Variants in SLC22A25 observed in about 807,000 individuals in gnomAD.
SLC22A25 encodes the protein MGI:2442751, MGI:2385316, MGI:3042283, MGI:3645714, MGI:3605624, MGI:2442750.
In SLC22A25, 44 loss-of-function variants were observed where a neutral mutation model predicts 45.9. The observed-to-expected ratio is 0.96, with a 90% CI of 0.75 to 1.23. SLC22A25 has a LOEUF of 1.23. Ranked by LOEUF, SLC22A25 falls within the 50% of genes most tolerant of loss-of-function variation. SLC22A25 has a pLI of 0.00. For synonymous variants in SLC22A25, 283 were observed against 238.6 expected (o/e 1.19, Z -1.72); for missense variants, 800 against 666.4 (o/e 1.20, Z -2.21).
intron 7 of SLC22A25, among the ~76,000 whole-genome samples, chr11:63,196,564 G>T (rs1175006835): frequency 1.3e-5 from 2 of 152,132 alleles, no homozygotes; most frequent in Non-Finnish European, 2.9e-5. Flanking sequence ...AGCCCTTCAT[G>T]CTGAAAACTC....
chr11:63,191,734 G>T (rs1423649079), intron 7 of SLC22A25, among the ~76,000 whole-genome samples: 1 of 152,050 alleles, frequency 6.6e-6, no homozygotes, highest in Non-Finnish European at 1.5e-5. Flanking sequence ...CTAAGAAGAA[G>T]AAATAATCTC....
intron 3 of SLC22A25, among the ~76,000 whole-genome samples, chr11:63,237,054 A>G (rs534320144): frequency 6.6e-6 from 1 of 152,318 alleles, no homozygotes. Flanking sequence ...TTGAAATTTA[A>G]TTGCTATTGT....
chr11:63,230,841 C>T (rs1397874679), intron 3 of SLC22A25, among the ~76,000 whole-genome samples: 5 of 152,146 alleles, frequency 3.3e-5, no homozygotes, highest in African/African-American at 1.2e-4. Flanking sequence ...TGATGTTCCC[C>T]TTCCTGTGTC....
At chr11:63,186,023 T>C (rs2088527499) in intron 7 of SLC22A25, among the ~76,000 whole-genome samples, 1 of 152,054 alleles carries the variant, frequency 6.6e-6, no homozygotes, top group African/African-American at 2.4e-5. Flanking sequence ...TGTGTCTTTA[T>C]AGTAGCATGA....
At chr11:63,240,556 CT>C (rs1565133202) in intron 1 of SLC22A25, among the ~76,000 whole-genome samples, 1 of 152,106 alleles carries the variant, frequency 6.6e-6, no homozygotes, top group Non-Finnish European at 1.5e-5. Context: ...AAACTTTTGA[CT>C]CTTTTGTAAT....
chr11:63,228,735 G>A (rs1326249644), intron 4 of SLC22A25, among the ~76,000 whole-genome samples, 171 bp from the exon 5 acceptor site: 2 of 152,108 alleles, frequency 1.3e-5, no homozygotes, highest in Non-Finnish European at 2.9e-5. Context: ...CTTTCTCTTG[G>A]AAGCTATTCC....
chr11:63,212,801 A>AT (rs199547273), intron 7 of SLC22A25, among the ~76,000 whole-genome samples: 126 of 127,270 alleles, frequency 9.9e-4, no homozygotes, highest in Non-Finnish European at 1.8e-3. Context: ...TTAAAGTATA[A>AT]TTTAAAAAAA....
intron 7 of SLC22A25, among the ~76,000 whole-genome samples, chr11:63,191,537 C>T (rs1030960260): frequency 6.6e-6 from 1 of 152,116 alleles, no homozygotes; most frequent in African/African-American, 2.4e-5. Context: ...ATGCTCAGTG[C>T]ACTGCACCCA....
At chr11:63,181,424 A>G (rs138340819) in intron 8 of SLC22A25, among the ~76,000 whole-genome samples, 3,121 of 118,546 alleles carry the variant, frequency 0.026, 118 homozygotes, top group African/African-American at 0.093. Flanking sequence ...CTGGTGTGTG[A>G]TGTTCCCCTT....
At chr11:63,231,848 T>C (rs539980537) in intron 3 of SLC22A25, among the ~76,000 whole-genome samples, 72 of 152,328 alleles carry the variant, frequency 4.7e-4, no homozygotes, top group Admixed American at 1.6e-3. Flanking sequence ...GCTTTCTACA[T>C]ATGGCTAGCC....
In SLC22A25 at chr11:63,229,542, C is replaced by T. The variant is rs771774500; in HGVS notation, c.111G>A (p.Leu37=). 1 of 1,614,056 alleles carries T rather than the reference C, an allele frequency of 6.2e-7. No homozygotes were observed. The highest frequency in any genetic ancestry group is 8.5e-7 in the Non-Finnish European group (1 of 1,179,980). ...CAAGTATGAATGCTGCGAAGTTCTC[C>T]AGCTGAGTTTGATGGTATACTATGA... is the stretch of plus-strand genomic sequence containing the variant. The part of the protein sequence containing the change: ...FNVIVYHQTQ[L]ENFAAFILDH... The change falls in exon 4 of 12, where the codon CTG becomes CTA. Residue 37 remains leucine (L), a synonymous_variant. Transcript: ENST00000306494.
At chr11:63,242,467 G>A (rs1480923430) in intron 1 of SLC22A25, among the ~76,000 whole-genome samples, 1 of 152,190 alleles carries the variant, frequency 6.6e-6, no homozygotes, top group Non-Finnish European at 1.5e-5. Context: ...GTCATATTTA[G>A]TAGACTTGTT....
At chr11:63,227,560 C>T (rs1476470583) in intron 5 of SLC22A25, among the ~76,000 whole-genome samples, 1 of 152,142 alleles carries the variant, frequency 6.6e-6, no homozygotes, top group Non-Finnish European at 1.5e-5. Context: ...CTCCTCTCCT[C>T]AAATGGAATG....
At chr11:63,216,107 G>A (rs758566368) in intron 7 of SLC22A25, among the ~76,000 whole-genome samples, 9 of 152,024 alleles carry the variant, frequency 5.9e-5, no homozygotes, top group Admixed American at 3.3e-4. Context: ...ACATATGACC[G>A]ACTATTATGA....
chr11:63,217,748 G>A lies in SLC22A25; in HGVS notation c.507-13C>T, dbSNP rs201877220. ...CTTTCTCCCAAACCTGAGAAACAGG[G>A]GCACATTAGATAATGGGAACAATAA... On this transcript the variant is annotated splice_polypyrimidine_tract_variant and intron_variant, in intron 5 of 11. Transcript: ENST00000306494. The A allele has an allele frequency of 2.4e-4, 381 of 1,595,196 alleles. No individual in the cohort carries two copies. Among genetic ancestry groups the A allele is most frequent in the Non-Finnish European group, 3.0e-4 (354 of 1,174,076 alleles).
rs2087546899 is a variant in SLC22A25 at position 63,162,274 on chromosome 11, G to A, written c.*1550C>T. ...GTGCAGAAGTTTTTTAACTTGCTGT[G>A]ATCCCATTTGTCCACATTTGCTTTG... On this transcript the variant is annotated 3_prime_UTR_variant, in exon 12 of 12. Coordinates refer to ENST00000306494, the MANE Select transcript of SLC22A25 (RefSeq NM_199352.6). Among the ~76,000 whole-genome samples the A allele has an allele frequency of 6.6e-6, 1 of 152,108 alleles. No homozygotes were observed. Among genetic ancestry groups the A allele is most frequent in the African/African-American group, 2.4e-5 (1 of 41,426 alleles).
chr11:63,164,530 T>A lies in SLC22A25; in HGVS notation c.1390A>T (p.Ile464Phe), dbSNP rs1375128797. Residue 464 changes from isoleucine to phenylalanine, a missense_variant, in exon 11 of 12, where the codon ATC (isoleucine) becomes TTC (phenylalanine). Coordinates refer to ENST00000306494, the MANE Select transcript of SLC22A25 (RefSeq NM_199352.6). ...AQENELIPSI[I>F]RGRATGITGN... ...AGCACACATAAACTTTTGTACCTGA[T>A]TATGGAAGGAATTAGTTCATTTTCT... The A allele has an allele frequency of 6.2e-7, 1 of 1,613,126 alleles. No homozygotes were observed. Among genetic ancestry groups the A allele is most frequent in the Admixed American group, 1.7e-5 (1 of 59,964 alleles).
chr11:63,226,435 AATT>A (rs547129797), intron 5 of SLC22A25, among the ~76,000 whole-genome samples: 1 of 152,152 alleles, frequency 6.6e-6, no homozygotes, highest in Non-Finnish European at 1.5e-5. Context: ...GATCTGGAAA[AATT>A]ATTTGGACCA....
rs1037441771 is a variant in SLC22A25, at chr11:63,159,831, G to A, written c.*3993C>T. On this transcript the variant is annotated 3_prime_UTR_variant, in exon 12 of 12. Coordinates refer to ENST00000306494, the MANE Select transcript of SLC22A25 (RefSeq NM_199352.6). ...TGGAAAATGAAATCCAGGCTGAGGTGGTCTCAGATGAAGATGAAGAACTTG... is the reference window on the plus strand; with the variant it reads ...TGGAAAATGAAATCCAGGCTGAGGTAGTCTCAGATGAAGATGAAGAACTTG... Among the ~76,000 whole-genome samples the A allele has an allele frequency of 4.6e-5, 7 of 152,170 alleles. No homozygotes were observed. Among genetic ancestry groups the A allele is most frequent in the Admixed American group, 4.6e-4 (7 of 15,286 alleles).
Sources: allele counts gnomAD v4.1 joint callset (sites outside exome capture counted in the v4.1 genomes callset), GRCh38; gene constraint gnomAD v4.1.1; transcripts MANE v1.5; gene names NCBI Gene and HGNC (gene_info 2026-07-23, HGNC 2026-07-21).